The following IL17RD variants were observed in gnomAD, a reference collection of about 807,000 sequenced individuals.
The protein encoded by IL17RD is interleukin-17 receptor D.
IL17RD carries 52 observed loss-of-function variants against 80.5 expected under a neutral mutation model. That is an observed-to-expected ratio of 0.65 (90% CI 0.52 to 0.81). The LOEUF is 0.81. Among genes scored for constraint, IL17RD ranks in the 40% least tolerant of loss-of-function variants. IL17RD has a pLI of 0.00. For synonymous variants in IL17RD, 416 were observed against 391.8 expected (o/e 1.06, Z -0.73); for missense variants, 1,024 against 955.1 (o/e 1.07, Z -0.95).
At chr3:57,149,226 G>A (rs1002155406) in intron 1 of IL17RD, among the ~76,000 whole-genome samples, 13 of 151,766 alleles carry the variant, frequency 8.6e-5, no homozygotes, top group African/African-American at 3.2e-4. Flanking sequence ...AACCCAGGAG[G>A]TGGAAGTTGA....
Position 57,159,139 on chromosome 3 carries a change from A to T in IL17RD, c.126+6022T>A, listed in dbSNP as rs1369889646. 2.0e-5 allele frequency among the ~76,000 whole-genome samples: 3 copies of T among 148,928 alleles called. 1 individual carries two copies. In the South Asian group the frequency reaches 6.3e-4, roughly 31 times the overall value. ...ATATCTCTTCTTTTTTTTTTTTTTT[A>T]AAGACACATTTACATTTATGCACTC... On this transcript the variant is annotated intron_variant, in intron 1 of 12. Coordinates refer to ENST00000296318, the MANE Select transcript of IL17RD (RefSeq NM_017563.5).
chr3:57,127,253 A>AAAT (rs1559476802), intron 1 of IL17RD, among the ~76,000 whole-genome samples: 5 of 98,628 alleles, frequency 5.1e-5, no homozygotes, highest in African/African-American at 1.9e-4. Flanking sequence ...TATATATATA[A>AAAT]ATATATATAA....
intron 1 of IL17RD, among the ~76,000 whole-genome samples, chr3:57,164,553 G>A (rs1295875816): frequency 6.6e-6 from 1 of 152,216 alleles, no homozygotes; most frequent in Admixed American, 6.5e-5. Flanking sequence ...ACCTTCACAA[G>A]ACGAAGGGCT....
At chr3:57,115,110 G>T (rs1187598406) in intron 2 of IL17RD, among the ~76,000 whole-genome samples, 3 of 152,058 alleles carry the variant, frequency 2.0e-5, no homozygotes, top group Non-Finnish European at 4.4e-5. Flanking sequence ...TGTGTACCTG[G>T]CATTAACTTT....
intron 1 of IL17RD, chr3:57,134,134 C>T (rs1193366281): frequency 8.2e-6 from 5 of 611,122 alleles, no homozygotes; most frequent in Non-Finnish European, 1.5e-5. Flanking sequence ...GCGGCCACAG[C>T]CATGAGTATG....
rs760635900 is a variant in IL17RD, at chr3:57,106,158, T to C, written c.551-4A>G. The C allele has an allele frequency of 6.2e-7, 1 of 1,608,092 alleles. No homozygotes were observed. Among genetic ancestry groups the C allele is most frequent in the Non-Finnish European group, 8.5e-7 (1 of 1,175,682 alleles). On this transcript the variant is annotated splice_region_variant and splice_polypyrimidine_tract_variant and intron_variant, in intron 5 of 12. Transcript: ENST00000296318. Reference sequence around the variant, plus strand: ...GGCTGTAACAACAGGTCACAGGCTATTAAGAGAATAAAGATACATGTTTTT... The same window carrying C: ...GGCTGTAACAACAGGTCACAGGCTACTAAGAGAATAAAGATACATGTTTTT...
Position 57,120,326 on chromosome 3 carries a change from A to G in IL17RD, c.127-13T>C. 1 of 1,610,556 alleles carries G rather than the reference A, an allele frequency of 6.2e-7. No homozygotes were observed. Among genetic ancestry groups the G allele is most frequent in the Non-Finnish European group, 8.5e-7 (1 of 1,176,808 alleles). ...CTGGCCCCACTCCCTGTGGGAAAACAAGAGAACATGATGCAGAGTGAAGCC... is the reference window on the plus strand; with the variant it reads ...CTGGCCCCACTCCCTGTGGGAAAACGAGAGAACATGATGCAGAGTGAAGCC... On this transcript the variant is annotated splice_polypyrimidine_tract_variant and intron_variant, in intron 1 of 12. Transcript: ENST00000296318.
intron 1 of IL17RD, among the ~76,000 whole-genome samples, chr3:57,156,741 C>A (rs999345613): frequency 6.6e-6 from 1 of 152,084 alleles, no homozygotes. Flanking sequence ...CTTCAAGGTG[C>A]CCTGTTATCT....
chr3:57,113,381 G>C (rs1230808409), intron 3 of IL17RD, among the ~76,000 whole-genome samples: 1 of 152,158 alleles, frequency 6.6e-6, no homozygotes, highest in African/African-American at 2.4e-5. Context: ...GGGATTACAG[G>C]CATGCGACAC....
chr3:57,119,983 T>A (rs1707298549), intron 2 of IL17RD, among the ~76,000 whole-genome samples: 1 of 152,172 alleles, frequency 6.6e-6, no homozygotes, highest in African/African-American at 2.4e-5. Flanking sequence ...GGCAGCTATG[T>A]CCTTAACAAC....
chr3:57,099,982 C>A (rs540706869), intron 11 of IL17RD, among the ~76,000 whole-genome samples: 1 of 152,298 alleles, frequency 6.6e-6, no homozygotes, highest in Non-Finnish European at 1.5e-5. Flanking sequence ...AGGAAATAAA[C>A]CACACATGAA....
At chr3:57,163,400 T>C (rs893130928) in intron 1 of IL17RD, among the ~76,000 whole-genome samples, 5 of 152,004 alleles carry the variant, frequency 3.3e-5, no homozygotes, top group African/African-American at 1.2e-4. Context: ...CTCGCACAGG[T>C]AGAAGAAAAT....
intron 1 of IL17RD, among the ~76,000 whole-genome samples, chr3:57,122,608 G>C (rs1357457721): frequency 6.6e-6 from 1 of 152,196 alleles, no homozygotes; most frequent in African/African-American, 2.4e-5. Context: ...AGGTGGAACA[G>C]TCTGATCCCG....
intron 1 of IL17RD, among the ~76,000 whole-genome samples, chr3:57,159,404 A>G (rs2060288777): frequency 6.6e-6 from 1 of 152,184 alleles, no homozygotes; most frequent in African/African-American, 2.4e-5. Flanking sequence ...CAGAGGAAAT[A>G]CCAAGGCATT....
At chr3:57,150,381 G>A (rs899820285) in intron 1 of IL17RD, 1 of 152,288 alleles carries the variant, frequency 6.6e-6, no homozygotes, top group African/African-American at 2.4e-5. Context: ...GACTGCTGGG[G>A]GCATGGGCAG....
chr3:57,166,525 A>G (rs76837773), upstream of IL17RD, among the ~76,000 whole-genome samples: 6 of 63,398 alleles, frequency 9.5e-5, no homozygotes, highest in South Asian at 2.8e-3. Context: ...ACAAACAAAC[A>G]AACAAACAAA....
At chr3:57,122,626 C>G (rs978240638) in intron 1 of IL17RD, among the ~76,000 whole-genome samples, 1 of 152,158 alleles carries the variant, frequency 6.6e-6, no homozygotes, top group Non-Finnish European at 1.5e-5. Context: ...CCGAAACCAT[C>G]CCCTACTGAC....
chr3:57,143,756 T>G (rs530234168), intron 1 of IL17RD, among the ~76,000 whole-genome samples: 13 of 151,978 alleles, frequency 8.6e-5, no homozygotes, highest in Non-Finnish European at 1.8e-4. Context: ...GGAAAATGAG[T>G]GCAATGTGCC....
chr3:57,120,878 GA>G (rs1707322473), intron 1 of IL17RD, among the ~76,000 whole-genome samples: 4 of 151,990 alleles, frequency 2.6e-5, no homozygotes, highest in Admixed American at 6.5e-5. Context: ...GGTCATAAAA[GA>G]AAAAGAAAAA....
Sources: gnomAD v4.1 joint callset for allele counts (sites outside exome capture counted in the v4.1 genomes callset) on GRCh38, gnomAD v4.1.1 for gene constraint, MANE v1.5 for transcripts, NCBI Gene and HGNC (gene_info 2026-07-23, HGNC 2026-07-21) for gene names.